Variants in UPP2 observed in about 807,000 individuals in gnomAD.
UPP2 encodes uridine phosphorylase 2, also known as UPase 2.
Under a neutral mutation model 26.7 loss-of-function variants are expected in UPP2, and 23 were observed. That is an observed-to-expected ratio of 0.86 (90% CI 0.62 to 1.22). UPP2 has a LOEUF of 1.22. Ranked by LOEUF, UPP2 falls within the 50% of genes most tolerant of loss-of-function variation. UPP2 has a pLI of 0.00. For missense variants in UPP2, 387 were observed against 396.7 expected, an observed-to-expected ratio of 0.98 and a Z score of 0.21; for synonymous variants, 127 against 141.3, an observed-to-expected ratio of 0.90 and a Z score of 0.72.
chr2:157,995,887 T>A (rs1683317887), intron 2 of UPP2, among the ~76,000 whole-genome samples: 1 of 152,130 alleles, frequency 6.6e-6, no homozygotes, highest in African/African-American at 2.4e-5. Context: ...TCCATTGTTG[T>A]AAAAAAATCT....
At position 157,999,289 on chromosome 2, in the gene UPP2, C is replaced by T. The variant is rs1336621662; in HGVS notation, c.61+4030C>T. Among the ~76,000 whole-genome samples, 4 of 152,170 alleles carry T rather than the reference C, an allele frequency of 2.6e-5. No individual in the cohort carries two copies. The East Asian group carries it at 7.7e-4, about 29-fold the overall frequency. On this transcript the variant is annotated intron_variant, in intron 2 of 9. Coordinates refer to the UPP2 transcript ENST00000605860. ...CACATCCTGGGCTCAAGCGATTCTT[C>T]TGCCTCAGCCTCCCAAGTAGCTGGG...
chr2:158,083,821 C>T lies in UPP2; in HGVS notation c.148-18219C>T, dbSNP rs912243985. ...ATATATATACATATATATATATACACGTATATATAGACATATGTTTATGTC... is the reference window on the plus strand; with the variant it reads ...ATATATATACATATATATATATACATGTATATATAGACATATGTTTATGTC... On this transcript the variant is annotated intron_variant, in intron 3 of 9. Transcript: ENST00000605860. 1.2e-3 allele frequency among the ~76,000 whole-genome samples: 169 copies of T among 145,454 alleles called. 1 individual carries two copies. Among genetic ancestry groups the T allele is most frequent in the African/African-American group, 4.1e-3 (160 of 38,748 alleles).
At chr2:158,008,577 A>T (rs987515985) in intron 2 of UPP2, among the ~76,000 whole-genome samples, 1 of 152,206 alleles carries the variant, frequency 6.6e-6, no homozygotes, top group African/African-American at 2.4e-5. Context: ...CCCTAAAGCT[A>T]ATGACTTTCT....
At chr2:158,036,485 T>G (rs115506310) in intron 3 of UPP2, among the ~76,000 whole-genome samples, 1 of 152,186 alleles carries the variant, frequency 6.6e-6, no homozygotes, top group African/African-American at 2.4e-5. Flanking sequence ...GCCATTAGTG[T>G]GGGCCTATTG....
chr2:158,076,275 T>A (rs1201698372), intron 3 of UPP2, among the ~76,000 whole-genome samples: 1 of 152,012 alleles, frequency 6.6e-6, no homozygotes, highest in Admixed American at 6.6e-5. Flanking sequence ...TTATTCAAAC[T>A]ATTCTAAAAA....
chr2:158,123,779 C>T lies in UPP2; in HGVS notation c.695C>T (p.Ser232Phe), dbSNP rs1207491397. The T allele has an allele frequency of 3.7e-6, 6 of 1,614,044 alleles. No homozygotes were observed. Among genetic ancestry groups the T allele is most frequent in the African/African-American group, 1.3e-5 (1 of 75,054 alleles). The change falls in exon 6 of 7, where the codon TCC becomes TTC. Residue 232 changes from serine (S) to phenylalanine (F), a missense_variant. Physicochemically the swap from Ser to Phe is radical, Grantham distance 155. Transcript: ENST00000005756. ...GGCCGACTAGATGGAGCACTGTGCT[C>T]CTTTTCCAGAGAAAAAAAGTTAGAC... is the stretch of plus-strand genomic sequence containing the variant. Reference protein sequence around the residue: ...GQGRLDGALCSFSREKKLDYL... With the variant: ...GQGRLDGALCFFSREKKLDYL...
At chr2:158,121,648 A>T in intron 5 of UPP2, 30 bp downstream of exon 5, 1 of 1,579,498 alleles carries the variant, frequency 6.3e-7, no homozygotes, top group South Asian at 1.1e-5. Flanking sequence ...TGTGAAGGAA[A>T]CAGAAAAATG....
intron 3 of UPP2, among the ~76,000 whole-genome samples, chr2:158,020,885 A>G (rs890900839): frequency 1.3e-5 from 2 of 152,256 alleles, no homozygotes; most frequent in African/African-American, 4.8e-5. Context: ...AATTACAGGA[A>G]AATATTTCTT....
intron 3 of UPP2, among the ~76,000 whole-genome samples, chr2:158,088,555 C>A (rs566573378): frequency 6.6e-6 from 1 of 152,120 alleles, no homozygotes; most frequent in South Asian, 2.1e-4. Flanking sequence ...GTTAAAGAAC[C>A]TTGTTTGTCA....
chr2:158,114,043 A>G (rs1683371984), intron 2 of UPP2, among the ~76,000 whole-genome samples: 1 of 152,080 alleles, frequency 6.6e-6, no homozygotes, highest in South Asian at 2.1e-4. Context: ...TGTTTTTCCT[A>G]TTTTGGAGAT....
chr2:158,055,874 G>C (rs567027323), intron 3 of UPP2, among the ~76,000 whole-genome samples: 2 of 152,256 alleles, frequency 1.3e-5, no homozygotes, highest in East Asian at 3.9e-4. Context: ...GTGTGATGAT[G>C]TTTCTAGTGT....
intron 2 of UPP2, among the ~76,000 whole-genome samples, chr2:158,109,720 A>C (rs1191197322): frequency 6.6e-6 from 1 of 152,258 alleles, no homozygotes; most frequent in African/African-American, 2.4e-5. Context: ...GTGCCCAGAA[A>C]GAAGAGCAAA....
At chr2:158,002,720 C>T (rs1683427781) in intron 2 of UPP2, among the ~76,000 whole-genome samples, 1 of 152,232 alleles carries the variant, frequency 6.6e-6, no homozygotes, top group Non-Finnish European at 1.5e-5. Flanking sequence ...CAGAGATCAG[C>T]ACTCCATTGC....
chr2:158,103,256 G>T (rs7568468), intron 1 of UPP2, among the ~76,000 whole-genome samples: 3,766 of 152,176 alleles, frequency 0.025, 156 homozygotes, highest in African/African-American at 0.083. Flanking sequence ...ATTTTCTGAC[G>T]GAGAAATCAT....
upstream of UPP2, among the ~76,000 whole-genome samples, chr2:158,100,664 T>C (rs1683060725): frequency 6.6e-6 from 1 of 152,186 alleles, no homozygotes; most frequent in African/African-American, 2.4e-5. Context: ...GAACTACTGT[T>C]CTAAGTTACA....
At chr2:158,039,679 A>G (rs185763239) in intron 3 of UPP2, among the ~76,000 whole-genome samples, 170 of 152,356 alleles carry the variant, frequency 1.1e-3, no homozygotes, top group African/African-American at 3.9e-3. Context: ...ATCACCTGCC[A>G]TCTTTCTGGA....
At position 158,031,180 on chromosome 2, in the gene UPP2, T is replaced by C. The variant is rs181070979; in HGVS notation, c.147+15294T>C. 4.9e-3 allele frequency among the ~76,000 whole-genome samples: 744 copies of C among 152,266 alleles called. 2 individuals are homozygous for C. The highest frequency in any genetic ancestry group is 4.7e-3 in the Non-Finnish European group (322 of 68,026). ...GGGCTGGAGTGATTAGGGGAATCAT[T>C]TGATTTCTTATCAGGCTTTCCTCCT... On this transcript the variant is annotated intron_variant, in intron 3 of 9. Coordinates refer to the UPP2 transcript ENST00000605860.
chr2:158,135,967 G>T lies in UPP2; in HGVS notation c.*1077G>T, dbSNP rs1042363374. 6.6e-5 allele frequency: 10 copies of T among 152,172 alleles called. No homozygotes were observed. Among genetic ancestry groups the T allele is most frequent in the Admixed American group, 5.2e-4 (8 of 15,284 alleles). 9.4% of individuals were successfully genotyped at this position (152,172 alleles called of 1,614,324 possible). A position where few individuals can be genotyped will look rare whatever the true frequency, so the allele number is the denominator to read the frequency against. On this transcript the variant is annotated 3_prime_UTR_variant, in exon 7 of 7. Transcript: ENST00000005756. Reference sequence around the variant, plus strand: ...TCAAATAAAGTTTAATTCCAACACAGTACAGATTATTTGGATCCCAGAGCC... The same window carrying T: ...TCAAATAAAGTTTAATTCCAACACATTACAGATTATTTGGATCCCAGAGCC...
At chr2:158,129,241 G>A (rs1008325246) in intron 6 of UPP2, among the ~76,000 whole-genome samples, 36 of 151,904 alleles carry the variant, frequency 2.4e-4, no homozygotes, top group Admixed American at 5.2e-4. Flanking sequence ...GGATTCCCCT[G>A]GTGAGCCTCT....
Sources: gnomAD v4.1 joint callset for allele counts (sites outside exome capture counted in the v4.1 genomes callset) on GRCh38, gnomAD v4.1.1 for gene constraint, MANE v1.5 for transcripts, NCBI Gene and HGNC (gene_info 2026-07-23, HGNC 2026-07-21) for gene names.